Variants in PIN4 observed in about 807,000 individuals in gnomAD.
PIN4 encodes peptidylprolyl cis/trans isomerase, NIMA-interacting 4.
A neutral mutation model predicts 8.3 loss-of-function variants in PIN4; 3 were observed. The observed-to-expected ratio is 0.36, with a 90% CI of 0.16 to 0.93. The LOEUF (loss-of-function observed/expected upper bound fraction) is 0.93, where lower values mean the gene tolerates loss of function less well. PIN4 is among the 40% of genes least tolerant of loss of function. PIN4 has a pLI of 0.44. For synonymous variants in PIN4, 18 were observed against 32.5 expected (o/e 0.55, Z 1.52); for missense variants, 75 against 100.6 (o/e 0.75, Z 1.09).
intron 3 of PIN4, chrX:72,204,871 G>A: frequency 2.4e-6 from 1 of 417,652 alleles, no homozygotes; most frequent in Non-Finnish European, 4.0e-6. Context: ...ATGGAGTGGG[G>A]GGCGTTGCAG....
At chrX:72,204,198 G>A (rs779821082) in intron 3 of PIN4, among the ~76,000 whole-genome samples, 43 of 112,358 alleles carry the variant, frequency 3.8e-4, no homozygotes, top group Non-Finnish European at 7.1e-4. Context: ...TTTGGAGATG[G>A]GATCCAAGTC....
intron 3 of PIN4, among the ~76,000 whole-genome samples, chrX:72,209,250 C>T (rs771740915): frequency 1.1e-4 from 12 of 111,457 alleles, no homozygotes; most frequent in Non-Finnish European, 1.9e-4. Flanking sequence ...CTCAAGTTTT[C>T]CCAGAGCTTC....
intron 3 of PIN4, among the ~76,000 whole-genome samples, chrX:72,254,263 C>T (rs1336397182): frequency 8.9e-6 from 1 of 111,787 alleles, no homozygotes; most frequent in East Asian, 2.8e-4. Context: ...GTCCCCTTGG[C>T]CAGTAACACT....
intron 3 of PIN4, among the ~76,000 whole-genome samples, chrX:72,209,631 T>C (rs2042841015): frequency 1.8e-5 from 2 of 111,361 alleles, no homozygotes; most frequent in Admixed American, 1.9e-4. Flanking sequence ...CTACTACCAT[T>C]ACTGTGGCCC....
chrX:72,195,884 C>T (rs1199396808), intron 2 of PIN4, among the ~76,000 whole-genome samples: 10 of 110,317 alleles, frequency 9.1e-5, no homozygotes, highest in African/African-American at 2.7e-4. Flanking sequence ...TTTGGGAGGC[C>T]GAGGCGGGCA....
chrX:72,206,154 T>C lies in PIN4; in HGVS notation c.312+9250T>C. The C allele has an allele frequency of 2.5e-6, 3 of 1,212,028 alleles. No homozygotes were observed. The East Asian group carries it at 8.9e-5, about 36-fold the overall frequency. On this transcript the variant is annotated intron_variant, in intron 3 of 3. Transcript: ENST00000423432. ...TTGGCCCAATATCAGCTTTGGTTGA[T>C]TTGCTAAGTACATAATTAAAACTTT...
chrX:72,202,932 C>CTT (rs762047230), downstream of PIN4, among the ~76,000 whole-genome samples: 1 of 111,830 alleles, frequency 8.9e-6, no homozygotes, highest in African/African-American at 3.2e-5. Context: ...CAACTGGTGT[C>CTT]TTTTGTATGC....
chrX:72,203,431 G>A (rs2042799069), intron 3 of PIN4, among the ~76,000 whole-genome samples: 1 of 111,804 alleles, frequency 8.9e-6, no homozygotes, highest in South Asian at 3.7e-4. Context: ...CATGGGGACC[G>A]AACACTTGCC....
At chrX:72,224,484 C>T (rs4825952) in intron 3 of PIN4, among the ~76,000 whole-genome samples, 46,841 of 110,641 alleles carry the variant, frequency 0.42, 8,921 homozygotes, top group East Asian at 0.98. Flanking sequence ...TCCTGGCTCA[C>T]GCCTGTAATC....
chrX:72,239,162 C>G lies in PIN4; in HGVS notation c.313-23545C>G, dbSNP rs184792229. On this transcript the variant is annotated intron_variant, in intron 3 of 3. Transcript: ENST00000423432. ...GCCTGCGCCTACGCGCGCCGGGAAGCAGAAGGTGATCTCTGCCTTCGAGAC... is the reference window on the plus strand; with the variant it reads ...GCCTGCGCCTACGCGCGCCGGGAAGGAGAAGGTGATCTCTGCCTTCGAGAC... 2,871 of 380,251 alleles carry G rather than the reference C, an allele frequency of 7.6e-3. 68 individuals are homozygous for G. Among genetic ancestry groups the G allele is most frequent in the African/African-American group, 0.066 (2,624 of 39,535 alleles). 31.3% of individuals were successfully genotyped at this position (380,251 alleles called of 1,213,427 possible). A position where few individuals can be genotyped will look rare whatever the true frequency, so the allele number is the denominator to read the frequency against.
At chrX:72,233,462 G>A (rs1048817399) in intron 3 of PIN4, among the ~76,000 whole-genome samples, 2 of 111,528 alleles carry the variant, frequency 1.8e-5, no homozygotes, top group South Asian at 3.8e-4. Flanking sequence ...GGTAGCTCAC[G>A]CCTGTAATCA....
intron 1 of PIN4, 116 bp downstream of exon 1, chrX:72,181,944 G>T: frequency 1.9e-6 from 1 of 526,450 alleles, no homozygotes; most frequent in Non-Finnish European, 3.4e-6. Context: ...TGGCCCCACA[G>T]TGCTGCCATC....
At chrX:72,237,466 C>T (rs919382781) in intron 3 of PIN4, among the ~76,000 whole-genome samples, 19 of 111,338 alleles carry the variant, frequency 1.7e-4, no homozygotes, top group African/African-American at 5.9e-4. Flanking sequence ...GGTGTGTTAG[C>T]GGGCGCCTGT....
chrX:72,234,829 G>A (rs2043006875), intron 3 of PIN4, among the ~76,000 whole-genome samples: 1 of 111,508 alleles, frequency 9.0e-6, no homozygotes, highest in Admixed American at 9.6e-5. Context: ...AGTGAAATTG[G>A]AAGCAAGAGA....
intron 3 of PIN4, among the ~76,000 whole-genome samples, chrX:72,221,545 A>G (rs978398942): frequency 1.8e-5 from 2 of 110,722 alleles, no homozygotes; most frequent in Non-Finnish European, 3.8e-5. Flanking sequence ...CATCCTCCCC[A>G]CTGGGCTGCC....
intron 3 of PIN4, among the ~76,000 whole-genome samples, chrX:72,248,775 G>T (rs2043076752): frequency 1.8e-5 from 2 of 111,279 alleles, no homozygotes; most frequent in South Asian, 7.5e-4. Context: ...TACTCCAGAG[G>T]CTGAGTCAGG....
At chrX:72,182,555 A>AG (rs2042679498) in intron 1 of PIN4, among the ~76,000 whole-genome samples, 1 of 108,632 alleles carries the variant, frequency 9.2e-6, no homozygotes. Context: ...AAAAAAAAAA[A>AG]GAGATTTTGG....
At chrX:72,223,654 G>A (rs1028909528) in intron 3 of PIN4, among the ~76,000 whole-genome samples, 4 of 111,431 alleles carry the variant, frequency 3.6e-5, no homozygotes, top group Non-Finnish European at 1.9e-5. Flanking sequence ...CTCCCAAAGT[G>A]CTGGAAGGCC....
rs1274084941 is a variant in PIN4 at position 72,198,271 on chromosome X, CAT to C, written c.*749_*750del. ...AAAATTTAAAATGCCATATTTATGA[CAT>C]ATAAAAAAGTATAAAGATTACTAAT... On this transcript the variant is annotated 3_prime_UTR_variant, in exon 4 of 4. Coordinates refer to ENST00000373669, the MANE Select transcript of PIN4 (RefSeq NM_006223.4). The C allele has an allele frequency of 2.2e-5, 16 of 712,428 alleles. No homozygotes were observed. The African/African-American group carries it at 3.5e-4, about 16-fold the overall frequency. 58.7% of individuals were successfully genotyped at this position (712,428 alleles called of 1,213,427 possible).
Sources: gnomAD v4.1 joint callset for allele counts (sites outside exome capture counted in the v4.1 genomes callset) on GRCh38, gnomAD v4.1.1 for gene constraint, MANE v1.5 for transcripts, NCBI Gene and HGNC (gene_info 2026-07-23, HGNC 2026-07-21) for gene names.